The following MAP2K5 variants were observed in gnomAD, a reference collection of about 807,000 sequenced individuals.
MAP2K5 encodes dual specificity mitogen-activated protein kinase kinase 5.
MAP2K5 carries 49 observed loss-of-function variants against 83.1 expected under a neutral mutation model. The observed-to-expected ratio is 0.59, with a 90% CI of 0.47 to 0.75. The LOEUF (loss-of-function observed/expected upper bound fraction) is 0.75. Ranked by LOEUF, MAP2K5 falls within the 30% of genes least tolerant of loss-of-function variation. The probability of loss-of-function intolerance (pLI) is 0.00; values close to 1 mark genes in which losing one functional copy is unlikely to be tolerated. For missense variants in MAP2K5, 457 were observed against 557.5 expected, an observed-to-expected ratio of 0.82 and a Z score of 1.82; for synonymous variants, 202 against 191.8, an observed-to-expected ratio of 1.05 and a Z score of -0.44.
intron 21 of MAP2K5, among the ~76,000 whole-genome samples, chr15:67,773,145 T>G (rs1027407250): frequency 4.6e-5 from 7 of 152,198 alleles, no homozygotes. Context: ...CTTAGATTCA[T>G]GTAGAATGAA....
intron 15 of MAP2K5, among the ~76,000 whole-genome samples, chr15:67,703,046 T>G (rs2088462090): frequency 6.6e-6 from 1 of 152,182 alleles, no homozygotes; most frequent in South Asian, 2.1e-4. Context: ...CTGGCCTAAA[T>G]TACCTCACTA....
Position 67,630,868 on chromosome 15 carries a change from G to GTTT in MAP2K5, c.546-13_546-11dup. The GTTT allele has an allele frequency of 4.5e-6, 7 of 1,561,404 alleles. No homozygotes were observed. The highest frequency in any genetic ancestry group is 1.7e-5 in the Admixed American group (1 of 57,682). On this transcript the variant is annotated intron_variant, in intron 8 of 21. Coordinates refer to ENST00000178640, the MANE Select transcript of MAP2K5 (RefSeq NM_145160.3). ...TTGTTTAGTGATCCCAAATGATTTTGTTTTTTTTTCTTCCCATAGAGCATA... is the reference window on the plus strand; with the variant it reads ...TTGTTTAGTGATCCCAAATGATTTTGTTTTTTTTTTTTCTTCCCATAGAGCATA...
At chr15:67,598,221 A>T (rs1184612936) in intron 7 of MAP2K5, among the ~76,000 whole-genome samples, 1 of 152,120 alleles carries the variant, frequency 6.6e-6, no homozygotes, top group Admixed American at 6.5e-5. Flanking sequence ...AAAAAAACTA[A>T]AACTAAAACT....
intron 17 of MAP2K5, among the ~76,000 whole-genome samples, chr15:67,730,743 G>A (rs575841294): frequency 6.6e-6 from 1 of 152,148 alleles, no homozygotes; most frequent in Non-Finnish European, 1.5e-5. Context: ...CAGTGCCAGG[G>A]AATTGCTGCT....
intron 7 of MAP2K5, 84 bp from the exon 8 acceptor site, chr15:67,600,601 T>C: frequency 9.7e-7 from 1 of 1,028,798 alleles, no homozygotes; most frequent in Non-Finnish European, 1.5e-6. Flanking sequence ...AGACTGCTTG[T>C]TGTTTATGGC....
At chr15:67,612,128 T>C (rs985444120) in intron 8 of MAP2K5, among the ~76,000 whole-genome samples, 4 of 151,780 alleles carry the variant, frequency 2.6e-5, no homozygotes, top group African/African-American at 9.7e-5. Context: ...TATGAGTGTA[T>C]TTAAATCATT....
At chr15:67,672,375 T>A (rs1459182447) in intron 13 of MAP2K5, among the ~76,000 whole-genome samples, 1 of 152,078 alleles carries the variant, frequency 6.6e-6, no homozygotes, top group Non-Finnish European at 1.5e-5. Flanking sequence ...TGAGATGGTA[T>A]CTCATTGTGG....
intron 17 of MAP2K5, among the ~76,000 whole-genome samples, chr15:67,728,297 T>G (rs2089145559): frequency 6.6e-6 from 1 of 152,222 alleles, no homozygotes; most frequent in Non-Finnish European, 1.5e-5. Context: ...TTAAAATTTT[T>G]TGAGTTAAAA....
intron 2 of MAP2K5, among the ~76,000 whole-genome samples, chr15:67,553,441 A>G (rs1212555300): frequency 2.0e-5 from 3 of 152,236 alleles, no homozygotes; most frequent in Admixed American, 6.5e-5. Flanking sequence ...ATGAAAAACA[A>G]TAAATACAAA....
chr15:67,574,821 C>T (rs761768890), intron 3 of MAP2K5, among the ~76,000 whole-genome samples: 8 of 152,132 alleles, frequency 5.3e-5, no homozygotes, highest in Non-Finnish European at 1.2e-4. Context: ...GAGCCGAGAT[C>T]GTACCGCTGC....
rs1271206657 is a variant in MAP2K5 at position 67,562,709 on chromosome 15, A to G, written c.185-574A>G. Reference sequence around the variant, plus strand: ...CTGCTTTACAAGTTAACCTTGCACTAGGCCTAGGTTCTCCTGTGGAAAGAG... The same window carrying G: ...CTGCTTTACAAGTTAACCTTGCACTGGGCCTAGGTTCTCCTGTGGAAAGAG... On this transcript the variant is annotated intron_variant, in intron 2 of 21. Coordinates refer to ENST00000178640, the MANE Select transcript of MAP2K5 (RefSeq NM_145160.3). This position sits in a 1 kb window ranked among gnomAD's most constrained non-coding sequence, Gnocchi z 4.1. Among the ~76,000 whole-genome samples the G allele has an allele frequency of 2.6e-5, 4 of 152,174 alleles. No homozygotes were observed. The highest frequency in any genetic ancestry group is 9.7e-5 in the African/African-American group (4 of 41,442).
intron 17 of MAP2K5, among the ~76,000 whole-genome samples, chr15:67,734,279 A>T (rs1596877668): frequency 6.6e-6 from 1 of 152,196 alleles, no homozygotes. Context: ...TATTGACCAG[A>T]TTTGCCCTGT....
chr15:67,805,926 T>C (rs2090795386), intron 21 of MAP2K5, among the ~76,000 whole-genome samples: 1 of 152,192 alleles, frequency 6.6e-6, no homozygotes, highest in Non-Finnish European at 1.5e-5. Flanking sequence ...ATGTAAATCT[T>C]GGTGCTTCAG....
At chr15:67,642,045 C>T (rs1285443529) in intron 9 of MAP2K5, among the ~76,000 whole-genome samples, 1 of 152,196 alleles carries the variant, frequency 6.6e-6, no homozygotes, top group African/African-American at 2.4e-5. Flanking sequence ...ATTTTGGAAT[C>T]TCCTCTATTC....
chr15:67,644,253 G>C lies in MAP2K5; in HGVS notation c.586-1978G>C, dbSNP rs886527196. 6.6e-6 allele frequency among the ~76,000 whole-genome samples: 1 copy of C among 152,150 alleles called. No homozygotes were observed. The highest frequency in any genetic ancestry group is 1.5e-5 in the Non-Finnish European group (1 of 68,018). ...CGCTAAAAATAGAAAAATCAACCGGGTGTGGTGGCAGGTGCCTGTAATCCC... is the reference window on the plus strand; with the variant it reads ...CGCTAAAAATAGAAAAATCAACCGGCTGTGGTGGCAGGTGCCTGTAATCCC... On this transcript the variant is annotated intron_variant, in intron 9 of 21. Transcript: ENST00000178640. This position sits in a 1 kb window ranked among gnomAD's most constrained non-coding sequence, Gnocchi z 4.6.
intron 17 of MAP2K5, among the ~76,000 whole-genome samples, chr15:67,729,366 T>C (rs978105742): frequency 1.3e-5 from 2 of 152,224 alleles, no homozygotes; most frequent in African/African-American, 4.8e-5. Flanking sequence ...AGAAAACTTA[T>C]AAGCCATCCA....
intron 6 of MAP2K5, among the ~76,000 whole-genome samples, chr15:67,590,442 CCTCCCTCTCTCTCT>C (rs1452577853): frequency 3.4e-4 from 2 of 5,824 alleles, no homozygotes; most frequent in Non-Finnish European, 5.2e-4. Flanking sequence ...TCTCTCCCTC[CCTCCCTCTCTCTCT>C]CTCTCTCTCT....
chr15:67,742,144 G>A (rs2089509562), intron 17 of MAP2K5, among the ~76,000 whole-genome samples: 1 of 152,214 alleles, frequency 6.6e-6, no homozygotes, highest in Admixed American at 6.5e-5. Context: ...GCCCGCCTCA[G>A]CCTCCCAAAG....
In MAP2K5 at chr15:67,577,855, G is replaced by T. The variant is rs1036879770; in HGVS notation, c.253-2899G>T. Among the ~76,000 whole-genome samples, 2 of 152,092 alleles carry T rather than the reference G, an allele frequency of 1.3e-5. No individual in the cohort carries two copies. The highest frequency in any genetic ancestry group is 4.8e-5 in the African/African-American group (2 of 41,410). On this transcript the variant is annotated intron_variant, in intron 3 of 21. Coordinates refer to ENST00000178640, the MANE Select transcript of MAP2K5 (RefSeq NM_145160.3). This position sits in a 1 kb window ranked among gnomAD's most constrained non-coding sequence, Gnocchi z 4.1. ...ATCTCTACTAAAAATACAAAAATTA[G>T]CCGGGCCAGTGGTGGGTGCCTGTAA...
Sources: gnomAD v4.1 joint callset for allele counts (sites outside exome capture counted in the v4.1 genomes callset) on GRCh38, gnomAD v4.1.1 for gene constraint, Gnocchi (gnomAD v3.1) non-coding constraint, MANE v1.5 for transcripts, NCBI Gene and HGNC (gene_info 2026-07-23, HGNC 2026-07-21) for gene names.